CACNB4: variants seen among roughly 807,000 people sequenced by gnomAD.
The protein encoded by CACNB4 is calcium voltage-gated channel auxiliary subunit beta 4, also known as voltage-dependent L-type calcium channel subunit beta-4.
Under a neutral mutation model 71.2 loss-of-function variants are expected in CACNB4, and 32 were observed. The ratio of observed to expected loss-of-function variants is 0.45; its 90% CI spans 0.34 to 0.60. CACNB4 has a LOEUF of 0.60. CACNB4 is among the 20% of genes least tolerant of loss of function. The probability of loss-of-function intolerance (pLI) is 0.01; values close to 1 mark genes in which losing one functional copy is unlikely to be tolerated. For missense variants in CACNB4, 464 were observed against 647.9 expected (o/e 0.72, Z 3.08); for synonymous variants, 231 against 236.9 (o/e 0.97, Z 0.23).
At chr2:151,971,735 T>G in intron 2 of CACNB4, 2 of 644,588 alleles carry the variant, frequency 3.1e-6, no homozygotes, top group Non-Finnish European at 5.6e-6. Flanking sequence ...CAAATGAGCA[T>G]TCAGAGTCAG....
chr2:151,993,968 T>C (rs1681883672), intron 2 of CACNB4, among the ~76,000 whole-genome samples: 1 of 151,632 alleles, frequency 6.6e-6, no homozygotes, highest in South Asian at 2.1e-4. Flanking sequence ...GCCCAGGAGT[T>C]TGAGACCAGC....
At position 151,842,082 on chromosome 2, in the gene CACNB4, A is replaced by C; in HGVS notation, c.1123T>G (p.Phe375Val). 1.2e-6 allele frequency: 2 copies of C among 1,613,496 alleles called. No homozygotes were observed. The highest frequency in any genetic ancestry group is 4.5e-5 in the East Asian group (2 of 44,882). ...DKLAQCPPEM[F>V]DVILDENQLE... ...TGATTTTCATCCAATATAACATCAA[A>C]CATTTCCTGTAGATGACAAGAAAAT... The change falls in exon 13 of 14, where the codon TTT becomes GTT. Residue 375 changes from phenylalanine (F) to valine (V), a missense_variant. Phe to Val is a conservative substitution (Grantham distance 50). Coordinates refer to ENST00000539935, the MANE Select transcript of CACNB4 (RefSeq NM_000726.5).
At chr2:151,904,683 T>C (rs548135871) in intron 2 of CACNB4, among the ~76,000 whole-genome samples, 1 of 152,088 alleles carries the variant, frequency 6.6e-6, no homozygotes, top group Admixed American at 6.6e-5. Context: ...TACAGGCACA[T>C]ACCACCACAC....
chr2:151,874,478 A>G (rs796196676), intron 5 of CACNB4, among the ~76,000 whole-genome samples: 5 of 151,464 alleles, frequency 3.3e-5, no homozygotes, highest in South Asian at 2.1e-4. Context: ...AAAAAAAAAA[A>G]AAGAAGAAGT....
intron 2 of CACNB4, among the ~76,000 whole-genome samples, chr2:151,913,983 T>C (rs1275219643): frequency 6.6e-6 from 1 of 152,166 alleles, no homozygotes; most frequent in African/African-American, 2.4e-5. Context: ...AGTATCTTAA[T>C]GATGTTCTCT....
chr2:151,855,176 T>C, intron 11 of CACNB4, 48 bp downstream of exon 11: 1 of 1,376,458 alleles, frequency 7.3e-7, no homozygotes. Flanking sequence ...CAAAACACAT[T>C]TTTAAAAGAT....
chr2:151,992,524 C>A (rs77019799), intron 2 of CACNB4, among the ~76,000 whole-genome samples: 3 of 152,330 alleles, frequency 2.0e-5, no homozygotes, highest in East Asian at 3.9e-4. Context: ...CTGGAAGGAA[C>A]AACTAAGTGT....
At chr2:151,929,311 T>C (rs2099861045) in intron 2 of CACNB4, among the ~76,000 whole-genome samples, 1 of 152,142 alleles carries the variant, frequency 6.6e-6, no homozygotes, top group Admixed American at 6.5e-5. Context: ...TTTTACCATA[T>C]GACCCAGTAA....
chr2:152,011,044 G>A (rs1683026609), intron 2 of CACNB4, among the ~76,000 whole-genome samples: 1 of 152,124 alleles, frequency 6.6e-6, no homozygotes, highest in African/African-American at 2.4e-5. Context: ...CAGAAATAGG[G>A]TCGAAGAAAA....
chr2:151,839,265 G>A lies in CACNB4; in HGVS notation c.1417C>T (p.Arg473Cys), dbSNP rs755031838. The change falls in exon 14 of 14, where the codon CGC becomes TGC. Residue 473 changes from arginine to cysteine, a missense_variant. Physicochemically the swap from Arg to Cys is radical, Grantham distance 180. Transcript: ENST00000539935. ...CTATGCTGAGAACTGGAAGACAAGC[G>A]GTTCCTACTCTTCCGAGCCCTTTCA... ...HNERARKSRN[R>C]LSSSSQHSRD... The A allele has an allele frequency of 5.0e-6, 8 of 1,613,482 alleles. No homozygotes were observed. Among genetic ancestry groups the A allele is most frequent in the South Asian group, 3.3e-5 (3 of 91,070 alleles).
intron 2 of CACNB4, among the ~76,000 whole-genome samples, chr2:151,941,015 G>A (rs2099864091): frequency 6.6e-6 from 1 of 152,194 alleles, no homozygotes; most frequent in Non-Finnish European, 1.5e-5. Context: ...TATGGCATGG[G>A]AGTGTCTAAT....
At chr2:152,041,652 G>A (rs967766553) in intron 2 of CACNB4, among the ~76,000 whole-genome samples, 2 of 152,146 alleles carry the variant, frequency 1.3e-5, no homozygotes, top group Non-Finnish European at 2.9e-5. Context: ...ATCACCAAAA[G>A]ACATGGAGAT....
At chr2:151,852,576 T>C (rs1578464794) in intron 12 of CACNB4, 1 of 152,036 alleles carries the variant, frequency 6.6e-6, no homozygotes, top group Admixed American at 6.6e-5. Context: ...ACCAATCCCA[T>C]GAGATAGGTA....
At chr2:151,938,457 G>A (rs747822400) in intron 2 of CACNB4, among the ~76,000 whole-genome samples, 2 of 152,186 alleles carry the variant, frequency 1.3e-5, no homozygotes, top group Non-Finnish European at 2.9e-5. Context: ...GAGTAGTGTT[G>A]TATCTGGGTG....
At chr2:151,889,760 C>A (rs1324509637) in intron 2 of CACNB4, among the ~76,000 whole-genome samples, 1 of 152,194 alleles carries the variant, frequency 6.6e-6, no homozygotes, top group African/African-American at 2.4e-5. Context: ...CCTTCACCCC[C>A]TTTATCAAAC....
chr2:152,084,313 C>T (rs1222707882), intron 2 of CACNB4, among the ~76,000 whole-genome samples: 1 of 152,144 alleles, frequency 6.6e-6, no homozygotes, highest in East Asian at 1.9e-4. Flanking sequence ...ACAGGTTGTC[C>T]AGGGAGGCTG....
intron 2 of CACNB4, among the ~76,000 whole-genome samples, chr2:152,076,595 A>G (rs1270410580): frequency 6.6e-6 from 1 of 152,144 alleles, no homozygotes. Context: ...CAGCCCTTGA[A>G]TCATCTCTAA....
intron 2 of CACNB4, among the ~76,000 whole-genome samples, chr2:151,953,369 C>G (rs1249716134): frequency 6.6e-6 from 1 of 152,192 alleles, no homozygotes; most frequent in Non-Finnish European, 1.5e-5. Context: ...CCTCATTCAG[C>G]CTGCCATGCT....
At chr2:151,933,011 A>G (rs979542399) in intron 2 of CACNB4, among the ~76,000 whole-genome samples, 1 of 151,858 alleles carries the variant, frequency 6.6e-6, no homozygotes, top group East Asian at 2.0e-4. Flanking sequence ...TAGAAGGAAC[A>G]TGGCCCTGCC....
Sources: allele counts gnomAD v4.1 joint callset (sites outside exome capture counted in the v4.1 genomes callset), GRCh38; gene constraint gnomAD v4.1.1; transcripts MANE v1.5; gene names NCBI Gene and HGNC (gene_info 2026-07-23, HGNC 2026-07-21).